ARK2C: variants seen among roughly 807,000 people sequenced by gnomAD.
ARK2C encodes the protein arkadia (RNF111) C-terminal like ring finger ubiquitin ligase 2C.
chr18:46,334,449 G>A, the ARK2C span: 9 of 849,984 alleles, frequency 1.1e-5, no homozygotes, highest in Non-Finnish European at 1.6e-6. The surrounding 1 kb of genome is among the most constrained non-coding windows in gnomAD (Gnocchi z 4.4). Context: ...GAGGACGCAG[G>A]GCGAGCGGTG....
the ARK2C span, among the ~76,000 whole-genome samples, chr18:46,410,034 A>G: frequency 2.0e-5 from 3 of 152,204 alleles, no homozygotes; most frequent in African/African-American, 7.2e-5. Context: ...TAGAGGTTGC[A>G]CCAAATTATA....
chr18:46,455,598 A>G, the ARK2C span, among the ~76,000 whole-genome samples: 3 of 152,130 alleles, frequency 2.0e-5, no homozygotes, highest in East Asian at 5.8e-4. Context: ...GCACTTTGGG[A>G]GGCTGAGGCA....
the ARK2C span, among the ~76,000 whole-genome samples, chr18:46,430,829 G>T: frequency 6.6e-6 from 1 of 152,140 alleles, no homozygotes; most frequent in Admixed American, 6.5e-5. Context: ...TTTCCTGAGG[G>T]TATGGATTAT....
the ARK2C span, among the ~76,000 whole-genome samples, chr18:46,410,127 A>G: frequency 6.6e-6 from 1 of 152,204 alleles, no homozygotes; most frequent in Non-Finnish European, 1.5e-5. Context: ...TCAAGCGATC[A>G]ATACATCTTC....
the ARK2C span, among the ~76,000 whole-genome samples, chr18:46,439,682 C>T: frequency 1.4e-5 from 2 of 145,580 alleles, no homozygotes; most frequent in Admixed American, 1.4e-4. Flanking sequence ...GTTACCTTGG[C>T]ACAATAGATA....
At chr18:46,364,454 T>C in the ARK2C span, among the ~76,000 whole-genome samples, 1 of 150,378 alleles carries the variant, frequency 6.6e-6, no homozygotes, top group African/African-American at 2.4e-5. Flanking sequence ...CTAAAGTAAC[T>C]GGAAAGGGAC....
At chr18:46,370,918 GA>G in the ARK2C span, among the ~76,000 whole-genome samples, 166 of 152,338 alleles carry the variant, frequency 1.1e-3, 1 homozygote, top group African/African-American at 3.9e-3. Context: ...CATTGTGGGA[GA>G]GGGGAGGTGT....
the ARK2C span, among the ~76,000 whole-genome samples, chr18:46,344,363 C>T: frequency 1.1e-4 from 17 of 151,332 alleles, no homozygotes; most frequent in South Asian, 3.6e-3. Context: ...CCCTTCTCCC[C>T]CCGCCCCCAG....
At chr18:46,449,375 G>GC in the ARK2C span, among the ~76,000 whole-genome samples, 3 of 152,142 alleles carry the variant, frequency 2.0e-5, no homozygotes, top group Non-Finnish European at 4.4e-5. Flanking sequence ...AAAAAACATT[G>GC]CATTAAAATA....
At chr18:46,451,587 G>T in the ARK2C span, among the ~76,000 whole-genome samples, 2 of 152,066 alleles carry the variant, frequency 1.3e-5, no homozygotes, top group Non-Finnish European at 2.9e-5. Context: ...TTTGGGCCAG[G>T]AATTCAAGAC....
chr18:46,390,997 T>C, the ARK2C span, among the ~76,000 whole-genome samples: 321 of 152,300 alleles, frequency 2.1e-3, 2 homozygotes, highest in African/African-American at 7.5e-3. Flanking sequence ...AAACAGCAAA[T>C]GAAATGGAAA....
the ARK2C span, among the ~76,000 whole-genome samples, chr18:46,350,396 G>C: frequency 6.6e-6 from 1 of 152,184 alleles, no homozygotes; most frequent in Non-Finnish European, 1.5e-5. Context: ...GCCTGGGAGG[G>C]CTTCCTGGAG....
the ARK2C span, among the ~76,000 whole-genome samples, chr18:46,365,371 T>C: frequency 6.6e-6 from 1 of 152,180 alleles, no homozygotes; most frequent in Non-Finnish European, 1.5e-5. Flanking sequence ...TCTCTAGAAG[T>C]CTCTGGAAGA....
At chr18:46,334,530 T>A in the ARK2C span, 1 of 495,880 alleles carries the variant, frequency 2.0e-6, no homozygotes, top group Non-Finnish European at 3.5e-6. This position sits in a 1 kb window ranked among gnomAD's most constrained non-coding sequence, Gnocchi z 4.4. Context: ...GCTTTTGTAG[T>A]GAAGTTAGGG....
the ARK2C span, chr18:46,435,312 T>C: frequency 2.5e-6 from 4 of 1,614,084 alleles, no homozygotes; most frequent in Non-Finnish European, 3.4e-6. Context: ...CGTGTATCTG[T>C]CCACCCCCAC....
chr18:46,370,248 T>C, the ARK2C span, among the ~76,000 whole-genome samples: 2 of 152,232 alleles, frequency 1.3e-5, no homozygotes, highest in Non-Finnish European at 2.9e-5. Flanking sequence ...CGATCATCTC[T>C]ATAGGCAGGG....
At chr18:46,400,378 G>A in the ARK2C span, among the ~76,000 whole-genome samples, 5 of 152,206 alleles carry the variant, frequency 3.3e-5, no homozygotes, top group Admixed American at 3.3e-4. Context: ...GGTTCCCAGT[G>A]CATAGATATG....
chr18:46,406,239 C>T, the ARK2C span, among the ~76,000 whole-genome samples: 4 of 152,190 alleles, frequency 2.6e-5, no homozygotes, highest in Non-Finnish European at 5.9e-5. Flanking sequence ...GCATTGAACC[C>T]CCCTCTCAAC....
chr18:46,420,531 C>A, the ARK2C span, among the ~76,000 whole-genome samples: 1 of 152,176 alleles, frequency 6.6e-6, no homozygotes, highest in African/African-American at 2.4e-5. Context: ...CAGGTAGCCA[C>A]CCTAGCATGT....
Sources: allele counts gnomAD v4.1 joint callset (sites outside exome capture counted in the v4.1 genomes callset), GRCh38; gene constraint gnomAD v4.1.1; non-coding constraint Gnocchi (gnomAD v3.1); transcripts MANE v1.5; gene names NCBI Gene and HGNC (gene_info 2026-07-23, HGNC 2026-07-21).